The following ANKRD62 variants were observed in gnomAD, a reference collection of about 807,000 sequenced individuals.
The protein encoded by ANKRD62 is ankyrin repeat domain-containing protein 62.
In ANKRD62, 61 loss-of-function variants were observed where a neutral mutation model predicts 98.8. That is an observed-to-expected ratio of 0.62 (90% CI 0.50 to 0.76). The LOEUF (loss-of-function observed/expected upper bound fraction) is 0.76. ANKRD62 is among the 30% of genes least tolerant of loss of function. The probability of loss-of-function intolerance (pLI) is 0.00; values close to 1 mark genes in which losing one functional copy is unlikely to be tolerated. For missense variants in ANKRD62, 933 were observed against 1,082.9 expected, an observed-to-expected ratio of 0.86 and a Z score of 1.94; for synonymous variants, 341 against 367.9, an observed-to-expected ratio of 0.93 and a Z score of 0.84.
intron 9 of ANKRD62, 127 bp downstream of exon 9, chr18:12,115,248 G>A: frequency 1.6e-6 from 2 of 1,276,684 alleles, no homozygotes; most frequent in South Asian, 1.8e-5. Context: ...ATTCATAAAA[G>A]CACCCTTTTA....
chr18:12,098,940 G>C (rs1909242330), intron 5 of ANKRD62, among the ~76,000 whole-genome samples: 1 of 152,178 alleles, frequency 6.6e-6, no homozygotes, highest in South Asian at 2.1e-4. Flanking sequence ...CCTTTGGTGT[G>C]ATTGATGACA....
chr18:12,125,465 T>G lies in ANKRD62; in HGVS notation c.1644T>G (p.Phe548Leu). 1 of 1,452,888 alleles carries G rather than the reference T, an allele frequency of 6.9e-7. No individual in the cohort carries two copies. The highest frequency in any genetic ancestry group is 9.0e-7 in the Non-Finnish European group (1 of 1,113,228). 90.0% of individuals were successfully genotyped at this position (1,452,888 alleles called of 1,614,324 possible). Residue 548 changes from phenylalanine to leucine, a missense_variant, in exon 13 of 14, where the codon TTT (phenylalanine) becomes TTG (leucine). By Grantham distance (22) the Phe-to-Leu change is conservative. This residue lies in a region of ANKRD62 where 362 missense variants were observed against 434.5 expected (regional missense o/e 0.83). Transcript: ENST00000587848. ...GTTTTCTTTGTTTTATTTAGAATTT[T>G]CATACTCATGAAAGAGAAAGAGACC... The part of the protein sequence containing the change: ...KTVRSNSNQN[F>L]HTHERERDLW...
chr18:12,165,486 C>G, the ANKRD62 span, among the ~76,000 whole-genome samples: 1 of 120,382 alleles, frequency 8.3e-6, no homozygotes, highest in South Asian at 2.6e-4. Context: ...ACCCATTAAA[C>G]TGATGACAAC....
At chr18:12,151,390 A>C in the ANKRD62 span, among the ~76,000 whole-genome samples, 1 of 152,168 alleles carries the variant, frequency 6.6e-6, no homozygotes, top group Non-Finnish European at 1.5e-5. Context: ...AAAATTAACA[A>C]AGGTATATGG....
At chr18:12,164,839 A>G in the ANKRD62 span, among the ~76,000 whole-genome samples, 1 of 151,764 alleles carries the variant, frequency 6.6e-6, no homozygotes, top group Non-Finnish European at 1.5e-5. Context: ...TTTCTTTGTC[A>G]ATTTTCTTTC....
chr18:12,137,622 G>T, the ANKRD62 span, among the ~76,000 whole-genome samples: 1 of 152,218 alleles, frequency 6.6e-6, no homozygotes, highest in Non-Finnish European at 1.5e-5. Context: ...CAGAAGGAAT[G>T]ATACCAGCTC....
Position 12,095,231 on chromosome 18 carries a change from C to G in ANKRD62, c.279C>G (p.Ala93=). The change falls in exon 2 of 14, where the codon GCC becomes GCG. Residue 93 remains alanine, a synonymous_variant. Coordinates refer to ENST00000587848, the MANE Select transcript of ANKRD62 (RefSeq NM_001277333.2). ...GRPGVVADLV[A]RKCQLNLTDS... ...CAGGAGTGGTAGCTGACCTGGTGGCCAGAAAATGCCAGCTTAACCTCACTG... is the reference window on the plus strand; with the variant it reads ...CAGGAGTGGTAGCTGACCTGGTGGCGAGAAAATGCCAGCTTAACCTCACTG... 1 of 1,538,216 alleles carries G rather than the reference C, an allele frequency of 6.5e-7. No individual in the cohort carries two copies. Among genetic ancestry groups the G allele is most frequent in the Non-Finnish European group, 8.7e-7 (1 of 1,146,836 alleles).
chr18:12,095,647 G>A (rs1435002008), intron 3 of ANKRD62, 37 bp downstream of exon 3: 1 of 1,431,776 alleles, frequency 7.0e-7, no homozygotes, highest in Non-Finnish European at 9.1e-7. Context: ...AGTATTTCAA[G>A]TATATTTGTT....
the ANKRD62 span, among the ~76,000 whole-genome samples, chr18:12,134,816 A>C: frequency 6.6e-6 from 1 of 152,178 alleles, no homozygotes; most frequent in Non-Finnish European, 1.5e-5. Flanking sequence ...ACTATTGTGA[A>C]TAGTGCCACA....
Position 12,099,624 on chromosome 18 carries a change from A to G in ANKRD62, c.762A>G (p.Gly254=), listed in dbSNP as rs1219073227. ...GCATTTTGATACATAGCATTCGTGG[A>G]ATGATTTCTGAATATAAAGCAAACA... The part of the protein sequence containing the change: ...AVASKFQAIR[G]MISEYKANKR... The change falls in exon 6 of 14, where the codon GGA becomes GGG. Residue 254 remains glycine, a synonymous_variant. Transcript: ENST00000587848. The G allele has an allele frequency of 6.7e-7, 1 of 1,489,652 alleles. No individual in the cohort carries two copies. Among genetic ancestry groups the G allele is most frequent in the Non-Finnish European group, 8.9e-7 (1 of 1,121,616 alleles). 92.3% of individuals were successfully genotyped at this position (1,489,652 alleles called of 1,614,324 possible).
intron 6 of ANKRD62, chr18:12,102,407 C>T (rs1909321246): frequency 1.8e-6 from 1 of 552,036 alleles, no homozygotes; most frequent in Non-Finnish European, 3.4e-6. Flanking sequence ...CACTGGGGTT[C>T]GCAGCAACAG....
chr18:12,172,240 T>G, the ANKRD62 span, among the ~76,000 whole-genome samples: 1 of 152,226 alleles, frequency 6.6e-6, no homozygotes, highest in African/African-American at 2.4e-5. Flanking sequence ...AATTTTCAGC[T>G]TTTCTGCTCT....
downstream of ANKRD62, among the ~76,000 whole-genome samples, chr18:12,132,790 GGTTAA>G (rs545401876): frequency 2.3e-4 from 35 of 151,922 alleles, no homozygotes; most frequent in African/African-American, 8.2e-4. Context: ...TGGGGGAGAA[GGTTAA>G]GTTGATATTT....
intron 1 of ANKRD62, among the ~76,000 whole-genome samples, chr18:12,094,574 G>C: frequency 7.6e-5 from 1 of 13,162 alleles, no homozygotes; most frequent in Admixed American, 8.7e-4. Context: ...CTGTGGTGGG[G>C]GTAGAGTTGG....
At chr18:12,139,507 G>T in the ANKRD62 span, among the ~76,000 whole-genome samples, 3 of 152,048 alleles carry the variant, frequency 2.0e-5, no homozygotes, top group Admixed American at 6.6e-5. Flanking sequence ...TGAGCCGGAC[G>T]TGGTGGCAGG....
At chr18:12,125,365 A>G (rs1909865067) in intron 12 of ANKRD62, 95 bp from the exon 13 acceptor site, 3 of 1,179,586 alleles carry the variant, frequency 2.5e-6, no homozygotes, top group Non-Finnish European at 3.3e-6. Flanking sequence ...CTTTCATTGT[A>G]TAAACGTACA....
intron 7 of ANKRD62, 59 bp from the exon 8 acceptor site, chr18:12,107,236 A>C (rs1434844720): frequency 2.4e-6 from 3 of 1,244,432 alleles, no homozygotes; most frequent in Non-Finnish European, 3.1e-6. Flanking sequence ...AACACAAAAA[A>C]GTTCTTTCTA....
At chr18:12,131,461 C>T (rs1910002153), downstream of ANKRD62, among the ~76,000 whole-genome samples, 1 of 152,128 alleles carries the variant, frequency 6.6e-6, no homozygotes, top group African/African-American at 2.4e-5. Flanking sequence ...ACTTATGCCT[C>T]ATTAGTTTAT....
chr18:12,112,111 C>CAAA (rs34392499), intron 8 of ANKRD62, among the ~76,000 whole-genome samples: 26 of 29,460 alleles, frequency 8.8e-4, no homozygotes, highest in African/African-American at 1.7e-3. Context: ...GACTCCAACT[C>CAAA]AAAAAAAAAA....
Sources: allele counts gnomAD v4.1 joint callset (sites outside exome capture counted in the v4.1 genomes callset), GRCh38; gene constraint gnomAD v4.1.1; regional missense constraint gnomAD v4.1.1; transcripts MANE v1.5; gene names NCBI Gene and HGNC (gene_info 2026-07-23, HGNC 2026-07-21).